LUZP2: variants seen among roughly 807,000 people sequenced by gnomAD.
LUZP2 encodes leucine zipper protein 2.
Under a neutral mutation model 51.6 loss-of-function variants are expected in LUZP2, and 52 were observed. The observed-to-expected ratio is 1.01, with a 90% confidence interval of 0.81 to 1.27. LUZP2 has a LOEUF of 1.27. Ranked by LOEUF, LUZP2 falls within the 50% of genes most tolerant of loss-of-function variation. The pLI, the probability that LUZP2 is intolerant of heterozygous loss-of-function variation, is 0.00. For missense variants in LUZP2, 436 were observed against 395.4 expected, an observed-to-expected ratio of 1.10 and a Z score of -0.87; for synonymous variants, 154 against 137.3, an observed-to-expected ratio of 1.12 and a Z score of -0.85.
At chr11:24,622,567 C>T (rs188402677) in intron 1 of LUZP2, among the ~76,000 whole-genome samples, 1 of 152,200 alleles carries the variant, frequency 6.6e-6, no homozygotes, top group Non-Finnish European at 1.5e-5. Flanking sequence ...AGGGTCTTAT[C>T]ACAATGATAA....
At chr11:24,946,050 T>C (rs1430842047) in intron 7 of LUZP2, among the ~76,000 whole-genome samples, 1 of 152,108 alleles carries the variant, frequency 6.6e-6, no homozygotes, top group Non-Finnish European at 1.5e-5. Context: ...ACTTTTCATA[T>C]ATAAGTAGAA....
At chr11:24,518,554 C>G (rs776897130) in intron 1 of LUZP2, among the ~76,000 whole-genome samples, 1 of 152,076 alleles carries the variant, frequency 6.6e-6, no homozygotes, top group Non-Finnish European at 1.5e-5. Context: ...TACTGAGTGT[C>G]CTTAGTCCAT....
At chr11:24,736,793 C>G (rs1274926164) in intron 3 of LUZP2, among the ~76,000 whole-genome samples, 3 of 151,800 alleles carry the variant, frequency 2.0e-5, no homozygotes, top group South Asian at 2.1e-4. Context: ...ATAAATGAAA[C>G]CAGTTTGAGA....
At chr11:24,918,543 G>A (rs1273252526) in intron 7 of LUZP2, among the ~76,000 whole-genome samples, 1 of 151,522 alleles carries the variant, frequency 6.6e-6, no homozygotes, top group African/African-American at 2.4e-5. Flanking sequence ...AATAAATTAG[G>A]TATTGATGGG....
intron 7 of LUZP2, among the ~76,000 whole-genome samples, chr11:24,933,959 G>C (rs551301130): frequency 1.3e-5 from 2 of 152,242 alleles, no homozygotes; most frequent in East Asian, 3.9e-4. Context: ...CTTCTTAAGG[G>C]CAAGGGTTGG....
chr11:24,825,336 T>G (rs1258920544), intron 5 of LUZP2, among the ~76,000 whole-genome samples: 1 of 152,182 alleles, frequency 6.6e-6, no homozygotes, highest in Non-Finnish European at 1.5e-5. Flanking sequence ...ATCCCAATAT[T>G]GGTATCAACT....
intron 5 of LUZP2, chr11:24,892,576 A>G: frequency 2.3e-6 from 1 of 428,230 alleles, no homozygotes; most frequent in Non-Finnish European, 3.1e-6. Context: ...GCCCTATGCT[A>G]TTTCTAGTCA....
intron 5 of LUZP2, among the ~76,000 whole-genome samples, chr11:24,819,140 A>G (rs1850280350): frequency 6.6e-6 from 1 of 152,068 alleles, no homozygotes; most frequent in Non-Finnish European, 1.5e-5. Flanking sequence ...TGAGAAGAAA[A>G]GGGAAGGGAG....
intron 1 of LUZP2, among the ~76,000 whole-genome samples, chr11:24,530,646 A>G (rs1396955825): frequency 6.7e-6 from 1 of 149,320 alleles, no homozygotes; most frequent in Non-Finnish European, 1.5e-5. Flanking sequence ...ATTATACACA[A>G]CTTTCTGTTT....
At chr11:24,643,935 T>C (rs1855388290) in intron 1 of LUZP2, among the ~76,000 whole-genome samples, 1 of 152,206 alleles carries the variant, frequency 6.6e-6, no homozygotes, top group African/African-American at 2.4e-5. Flanking sequence ...GTAATGATGT[T>C]GATACAACTG....
At chr11:25,078,442 A>G in intron 11 of LUZP2, 112 bp from the exon 12 acceptor site, 1 of 738,134 alleles carries the variant, frequency 1.4e-6, no homozygotes, top group Non-Finnish European at 2.2e-6. Flanking sequence ...TTTCTCTAAG[A>G]TATTTGTTGA....
intron 1 of LUZP2, among the ~76,000 whole-genome samples, chr11:24,534,792 G>T (rs1851121378): frequency 6.6e-6 from 1 of 151,370 alleles, no homozygotes; most frequent in South Asian, 2.1e-4. Flanking sequence ...TAGTTGTTTT[G>T]AATGATGCTG....
intron 1 of LUZP2, among the ~76,000 whole-genome samples, chr11:24,684,406 C>G (rs1487330533): frequency 2.0e-5 from 3 of 152,184 alleles, no homozygotes. Context: ...CTCCCAAGCT[C>G]TTTCATGGAT....
chr11:25,077,268 C>T (rs1274534667), intron 10 of LUZP2, 61 bp from the exon 11 acceptor site: 16 of 1,237,962 alleles, frequency 1.3e-5, no homozygotes, highest in Non-Finnish European at 1.8e-5. Context: ...GTGTTTTTGA[C>T]TCCCCCCTCC....
chr11:24,730,198 G>T (rs4923205), intron 2 of LUZP2, among the ~76,000 whole-genome samples: 48,684 of 151,472 alleles, frequency 0.32, 8,970 homozygotes, highest in South Asian at 0.57. Flanking sequence ...CATGGTCAAG[G>T]TCCAGTGCTA....
chr11:24,880,919 A>G (rs963784296), intron 5 of LUZP2, among the ~76,000 whole-genome samples: 1 of 152,098 alleles, frequency 6.6e-6, no homozygotes, highest in Admixed American at 6.6e-5. Context: ...TTTCAAATGT[A>G]TCTGTACTAT....
chr11:24,553,423 A>G (rs1308758355), intron 1 of LUZP2, among the ~76,000 whole-genome samples: 3 of 152,072 alleles, frequency 2.0e-5, no homozygotes, highest in African/African-American at 7.2e-5. Context: ...GAAAAGCTGA[A>G]AAAAAGGCTA....
In LUZP2 at chr11:24,896,387, A is replaced by C. The variant is rs528763631; in HGVS notation, c.397-9604A>C. ...AGCGGTCCCCACACTTGGAGCAGCC[A>C]GCCGGCCGGCGATGCCAGCTCCAGG... On this transcript the variant is annotated intron_variant, in intron 5 of 11. Coordinates refer to ENST00000336930, the MANE Select transcript of LUZP2 (RefSeq NM_001009909.4). Among the ~76,000 whole-genome samples, 1,168 of 152,242 alleles carry C rather than the reference A, an allele frequency of 7.7e-3. 16 individuals are homozygous for C. The highest frequency in any genetic ancestry group is 0.056 in the East Asian group (285 of 5,128).
chr11:24,879,971 T>C (rs560346631), intron 5 of LUZP2, among the ~76,000 whole-genome samples: 1 of 152,294 alleles, frequency 6.6e-6, no homozygotes, highest in African/African-American at 2.4e-5. Context: ...GGTGTCTCAG[T>C]ATGTCACATG....
Sources: allele counts gnomAD v4.1 joint callset (sites outside exome capture counted in the v4.1 genomes callset), GRCh38; gene constraint gnomAD v4.1.1; transcripts MANE v1.5; gene names NCBI Gene and HGNC (gene_info 2026-07-23, HGNC 2026-07-21).